Variants in CSNK1G1 observed in about 807,000 individuals in gnomAD.
CSNK1G1 encodes the protein casein kinase I isoform gamma-1.
Under a neutral mutation model 59.6 loss-of-function variants are expected in CSNK1G1, and 22 were observed. The ratio of observed to expected loss-of-function variants is 0.37; its 90% CI spans 0.26 to 0.53. The LOEUF is 0.53. Ranked by LOEUF, CSNK1G1 falls within the 20% of genes least tolerant of loss-of-function variation. The pLI, the probability that CSNK1G1 is intolerant of heterozygous loss-of-function variation, is 0.89. For synonymous variants in CSNK1G1, 179 were observed against 177.1 expected (o/e 1.01, Z -0.08); for missense variants, 384 against 519.5 (o/e 0.74, Z 2.54).
intron 4 of CSNK1G1, among the ~76,000 whole-genome samples, chr15:64,229,034 A>AAG (rs1555501602): frequency 1.3e-5 from 2 of 151,714 alleles, no homozygotes; most frequent in South Asian, 2.1e-4. Context: ...AAAAAAAAAA[A>AAG]AAAAGAAAAA....
rs1271965660 is a variant in CSNK1G1, at chr15:64,167,954, A to G, written c.*3977T>C. 1 of 152,256 alleles carries G rather than the reference A, an allele frequency of 6.6e-6. No individual in the cohort carries two copies. Among genetic ancestry groups the G allele is most frequent in the Admixed American group, 6.5e-5 (1 of 15,288 alleles). 9.4% of individuals were successfully genotyped at this position (152,256 alleles called of 1,614,324 possible). ...TTTGACGTTACATTATCATTGTTAC[A>G]TATTTCTGGCATTAAAAGTGGTTAC... On this transcript the variant is annotated 3_prime_UTR_variant, in exon 12 of 12. Transcript: ENST00000303052.
At chr15:64,250,260 T>G (rs1226935684) in intron 4 of CSNK1G1, among the ~76,000 whole-genome samples, 1 of 152,212 alleles carries the variant, frequency 6.6e-6, no homozygotes, top group Non-Finnish European at 1.5e-5. Flanking sequence ...GAGAGGCTAC[T>G]GTGAGCAAGA....
rs1244729907 is a variant in CSNK1G1, at chr15:64,209,618, G to C, written c.680-2024C>G. Among the ~76,000 whole-genome samples the C allele has an allele frequency of 7.2e-5, 11 of 152,060 alleles. No homozygotes were observed. In the East Asian group the frequency reaches 2.1e-3, roughly 29 times the overall value. On this transcript the variant is annotated intron_variant, in intron 6 of 11. Transcript: ENST00000303052. ...GACCATCAGAATCCTTTGTCTACAT[G>C]GCTTGTCTGAAGTTTGCAATAAAAT...
intron 4 of CSNK1G1, among the ~76,000 whole-genome samples, chr15:64,231,872 T>A (rs1689645210): frequency 6.6e-6 from 1 of 152,228 alleles, no homozygotes; most frequent in Admixed American, 6.5e-5. Flanking sequence ...TGTCCTAACA[T>A]GAACATACTG....
In CSNK1G1 at chr15:64,216,112, C is replaced by G. The variant is rs2082308387; in HGVS notation, c.444+450G>C. ...GCTGGCATGGCACCTGCAGTCCTAG[C>G]TGCTGGAGAGGCTGAGGCAGGAGAA... On this transcript the variant is annotated intron_variant, in intron 5 of 11. Coordinates refer to ENST00000303052, the MANE Select transcript of CSNK1G1 (RefSeq NM_022048.5). The surrounding 1 kb of genome is among the most constrained non-coding windows in gnomAD (Gnocchi z 4.6). 1.3e-5 allele frequency among the ~76,000 whole-genome samples: 2 copies of G among 151,774 alleles called. No individual in the cohort carries two copies. Among genetic ancestry groups the G allele is most frequent in the Admixed American group, 6.6e-5 (1 of 15,198 alleles).
At position 64,214,814 on chromosome 15, in the gene CSNK1G1, T is replaced by C. The variant is rs2082290127; in HGVS notation, c.445-690A>G. On this transcript the variant is annotated intron_variant, in intron 5 of 11. Transcript: ENST00000303052. This position sits in a 1 kb window ranked among gnomAD's most constrained non-coding sequence, Gnocchi z 4.3. ...CCACCATGCCTGGCTAATTTTTGTA[T>C]TTTTAGTAGAGACAGGGTTTCACCA... Among the ~76,000 whole-genome samples, 1 of 151,758 alleles carries C rather than the reference T, an allele frequency of 6.6e-6. No homozygotes were observed. Among genetic ancestry groups the C allele is most frequent in the African/African-American group, 2.4e-5 (1 of 41,254 alleles).
At chr15:64,270,650 C>T (rs758401589) in intron 2 of CSNK1G1, among the ~76,000 whole-genome samples, 2 of 151,902 alleles carry the variant, frequency 1.3e-5, no homozygotes, top group Non-Finnish European at 2.9e-5. Flanking sequence ...GTCCCAGCTA[C>T]TCGGGAGGCT....
At chr15:64,274,283 G>A (rs182896292) in intron 2 of CSNK1G1, among the ~76,000 whole-genome samples, 21 of 152,264 alleles carry the variant, frequency 1.4e-4, no homozygotes, top group Admixed American at 7.2e-4. Flanking sequence ...CCATGTTTCA[G>A]AAATTTAGAC....
chr15:64,288,383 T>C (rs563863766), intron 2 of CSNK1G1, among the ~76,000 whole-genome samples: 8 of 152,010 alleles, frequency 5.3e-5, no homozygotes, highest in Non-Finnish European at 1.0e-4. Flanking sequence ...CAACATCTAA[T>C]ATTGAAAAAA....
intron 4 of CSNK1G1, among the ~76,000 whole-genome samples, chr15:64,218,873 T>A (rs905052232): frequency 8.1e-6 from 1 of 123,912 alleles, no homozygotes; most frequent in East Asian, 3.3e-4. Flanking sequence ...TTTTTTTTTT[T>A]ACATGGAGTT....
chr15:64,283,389 C>T (rs1429710133), intron 2 of CSNK1G1, among the ~76,000 whole-genome samples: 1 of 151,720 alleles, frequency 6.6e-6, no homozygotes. Flanking sequence ...GTCACCCAGG[C>T]TGGATTGCAG....
chr15:64,180,536 G>A, intron 10 of CSNK1G1, 82 bp from the exon 11 acceptor site: 1 of 1,058,846 alleles, frequency 9.4e-7, no homozygotes, highest in South Asian at 1.3e-5. Flanking sequence ...TCGCTAAACA[G>A]GCAGTGTCTG....
intron 4 of CSNK1G1, among the ~76,000 whole-genome samples, chr15:64,245,188 T>C (rs533206542): frequency 1.3e-5 from 2 of 152,068 alleles, no homozygotes; most frequent in Non-Finnish European, 2.9e-5. Context: ...GACATTGGTC[T>C]GGGCAAAATC....
intron 2 of CSNK1G1, among the ~76,000 whole-genome samples, chr15:64,281,764 T>C (rs943361695): frequency 1.3e-5 from 2 of 148,222 alleles, no homozygotes; most frequent in Non-Finnish European, 3.0e-5. Flanking sequence ...TACTTGAACC[T>C]GAAAGGCAGA....
chr15:64,286,167 G>A (rs1236160050), intron 2 of CSNK1G1, among the ~76,000 whole-genome samples: 1 of 151,940 alleles, frequency 6.6e-6, no homozygotes, highest in East Asian at 1.9e-4. Context: ...TGCCCAGCTC[G>A]AGCCTTAAAG....
intron 10 of CSNK1G1, chr15:64,194,877 C>T (rs1480372974): frequency 2.6e-5 from 4 of 152,126 alleles, no homozygotes; most frequent in African/African-American, 4.8e-5. Flanking sequence ...ACAAACAAAT[C>T]CAAAACACTC....
chr15:64,321,712 C>A (rs79747193), intron 1 of CSNK1G1, among the ~76,000 whole-genome samples: 100 of 152,208 alleles, frequency 6.6e-4, no homozygotes, highest in African/African-American at 2.3e-3. Context: ...GCCATGAACA[C>A]GGTAAATTTA....
intron 1 of CSNK1G1, among the ~76,000 whole-genome samples, chr15:64,309,035 G>A: frequency 6.6e-6 from 1 of 151,988 alleles, no homozygotes; most frequent in African/African-American, 2.4e-5. Flanking sequence ...GCTTCCAAAG[G>A]GCCCTGGACC....
In CSNK1G1 at chr15:64,188,520, T is replaced by C. The variant is rs948098768; in HGVS notation, c.1108-8066A>G. On this transcript the variant is annotated intron_variant, in intron 10 of 11. Transcript: ENST00000303052. The surrounding 1 kb of genome is among the most constrained non-coding windows in gnomAD (Gnocchi z 4.2). The stretch of plus-strand genomic sequence containing the variant: ...CGTTAGAAAGCATGAGAGCAAGATA[T>C]GGAAGGAAAGGTGAAGCAACAGCAA... 2 of 1,465,138 alleles carry C rather than the reference T, an allele frequency of 1.4e-6. No homozygotes were observed. The highest frequency in any genetic ancestry group is 1.4e-5 in the African/African-American group (1 of 71,504). 90.8% of individuals were successfully genotyped at this position (1,465,138 alleles called of 1,614,324 possible).
Sources: allele counts gnomAD v4.1 joint callset (sites outside exome capture counted in the v4.1 genomes callset), GRCh38; gene constraint gnomAD v4.1.1; non-coding constraint Gnocchi (gnomAD v3.1); transcripts MANE v1.5; gene names NCBI Gene and HGNC (gene_info 2026-07-23, HGNC 2026-07-21).